The following CSMD1 variants were observed in gnomAD, a reference collection of about 807,000 sequenced individuals.
The protein encoded by CSMD1 is CUB and sushi domain-containing protein 1.
In CSMD1, 213 loss-of-function variants were observed where a neutral mutation model predicts 417.5. The observed-to-expected ratio is 0.51, with a 90% CI of 0.46 to 0.57. The LOEUF is 0.57. Among genes scored for constraint, CSMD1 ranks in the 20% least tolerant of loss-of-function variants. The pLI is 0.00. For missense variants in CSMD1, 6,923 were observed against 4,529.7 expected (o/e 1.53, Z -15.17); for synonymous variants, 2,862 against 1,736.8 (o/e 1.65, Z -16.11).
At chr8:4,723,317 T>C (rs1342960809) in intron 1 of CSMD1, among the ~76,000 whole-genome samples, 2 of 152,176 alleles carry the variant, frequency 1.3e-5, no homozygotes, top group South Asian at 2.1e-4. Context: ...ATAGCCAGGA[T>C]TGATACCCGG....
At chr8:4,415,089 G>A (rs538983673) in intron 3 of CSMD1, among the ~76,000 whole-genome samples, 1 of 152,054 alleles carries the variant, frequency 6.6e-6, no homozygotes, top group East Asian at 1.9e-4. Flanking sequence ...AGGATCTCAC[G>A]GAGTAAGTTT....
At chr8:4,854,142 G>A (rs556760295) in intron 1 of CSMD1, among the ~76,000 whole-genome samples, 25 of 152,266 alleles carry the variant, frequency 1.6e-4, no homozygotes, top group Non-Finnish European at 3.4e-4. Context: ...TTAAGATTTT[G>A]GGGGCTATTG....
At chr8:4,686,541 C>T (rs183379994) in intron 1 of CSMD1, among the ~76,000 whole-genome samples, 66 of 152,322 alleles carry the variant, frequency 4.3e-4, no homozygotes, top group Admixed American at 7.2e-4. Context: ...AGCAAACAGC[C>T]CCTGCTACAT....
At chr8:4,177,500 C>G (rs180960326) in intron 3 of CSMD1, among the ~76,000 whole-genome samples, 7 of 152,064 alleles carry the variant, frequency 4.6e-5, no homozygotes, top group Non-Finnish European at 1.0e-4. Context: ...AATTGACACC[C>G]GAACATCACA....
rs146817268 is a variant in CSMD1, at chr8:4,674,324, T to G, written c.86-36766A>C. 3.0e-3 allele frequency among the ~76,000 whole-genome samples: 462 copies of G among 151,646 alleles called. 3 individuals carry two copies. The highest frequency in any genetic ancestry group is 0.011 in the African/African-American group (442 of 41,336). On this transcript the variant is annotated intron_variant, in intron 1 of 69. Coordinates refer to ENST00000635120, the MANE Select transcript of CSMD1 (RefSeq NM_033225.6). Reference sequence around the variant, plus strand: ...GGACCTGGATTGAGGCTGAAAAAAATGCTAAGGAAGGTAAACGCAAGTGGA... The same window carrying G: ...GGACCTGGATTGAGGCTGAAAAAAAGGCTAAGGAAGGTAAACGCAAGTGGA...
In CSMD1 at chr8:3,018,457, C is replaced by G. The variant is rs368265924; in HGVS notation, c.8029+20G>C. 3.1e-6 allele frequency: 5 copies of G among 1,610,250 alleles called. No homozygotes were observed. The highest frequency in any genetic ancestry group is 4.2e-6 in the Non-Finnish European group (5 of 1,177,418). On this transcript the variant is annotated intron_variant, in intron 52 of 69. Coordinates refer to ENST00000635120, the MANE Select transcript of CSMD1 (RefSeq NM_033225.6). ...AGGTTTATCTGCATTAAGTAAGTGC[C>G]AGAACACAGATGAATTTACCCAGAC... is the stretch of plus-strand genomic sequence containing the variant.
chr8:4,768,439 G>A (rs1796429571), intron 1 of CSMD1, among the ~76,000 whole-genome samples: 1 of 152,130 alleles, frequency 6.6e-6, no homozygotes, highest in South Asian at 2.1e-4. Context: ...TAAACGTCAG[G>A]GAAACAAAAA....
At chr8:3,758,543 C>A (rs768849159) in intron 5 of CSMD1, among the ~76,000 whole-genome samples, 1 of 152,180 alleles carries the variant, frequency 6.6e-6, no homozygotes, top group Non-Finnish European at 1.5e-5. Flanking sequence ...TCATCTGACA[C>A]AAAGTTGATG....
chr8:4,541,945 T>G (rs979059122), intron 2 of CSMD1, among the ~76,000 whole-genome samples: 2 of 152,110 alleles, frequency 1.3e-5, no homozygotes. Flanking sequence ...TGGCAGGCGA[T>G]GAATTTCCAG....
At chr8:4,471,358 A>T (rs1304442598) in intron 2 of CSMD1, among the ~76,000 whole-genome samples, 1 of 152,204 alleles carries the variant, frequency 6.6e-6, no homozygotes. Context: ...TTTCTAGAAG[A>T]CATTGGGTTA....
intron 10 of CSMD1, among the ~76,000 whole-genome samples, chr8:3,523,782 C>G (rs1277632442): frequency 1.4e-5 from 2 of 145,058 alleles, no homozygotes; most frequent in African/African-American, 5.7e-5. Context: ...CATGCACACC[C>G]AGAGACATAT....
chr8:4,067,729 A>C (rs926473082), intron 3 of CSMD1, among the ~76,000 whole-genome samples: 2 of 152,202 alleles, frequency 1.3e-5, no homozygotes, highest in Non-Finnish European at 2.9e-5. Flanking sequence ...AATTTGATAA[A>C]GGAACGTGTT....
At chr8:4,573,283 T>C (rs747734695) in intron 2 of CSMD1, among the ~76,000 whole-genome samples, 2 of 152,206 alleles carry the variant, frequency 1.3e-5, no homozygotes, top group Non-Finnish European at 2.9e-5. Flanking sequence ...TTTATGCTGA[T>C]GACCTTTGGA....
chr8:3,238,083 A>G (rs1799267601), intron 26 of CSMD1, among the ~76,000 whole-genome samples: 2 of 151,976 alleles, frequency 1.3e-5, no homozygotes, highest in Admixed American at 1.3e-4. Flanking sequence ...GCTGAGTCCG[A>G]AAAGAGAGTC....
rs943939178 is a variant in CSMD1, at chr8:4,771,921, C to T, written c.86-134363G>A. 2.0e-5 allele frequency among the ~76,000 whole-genome samples: 3 copies of T among 152,358 alleles called. No individual in the cohort carries two copies. The East Asian group carries it at 5.8e-4, about 29-fold the overall frequency. On this transcript the variant is annotated intron_variant, in intron 1 of 69. Transcript: ENST00000635120. ...TCCAGAATCTGCCCCTCGGCTGCTA[C>T]TCTAGCCCATCCCGGGGATCTCGTG...
At chr8:3,332,217 G>C (rs1035497585) in intron 23 of CSMD1, among the ~76,000 whole-genome samples, 1 of 152,196 alleles carries the variant, frequency 6.6e-6, no homozygotes, top group African/African-American at 2.4e-5. Context: ...TGAAAACAAT[G>C]ACTTTTCCTT....
intron 3 of CSMD1, among the ~76,000 whole-genome samples, chr8:4,037,557 T>G (rs754010573): frequency 6.6e-6 from 1 of 152,188 alleles, no homozygotes; most frequent in Non-Finnish European, 1.5e-5. Context: ...ACATAGCCTT[T>G]GCAAGGTGCC....
intron 4 of CSMD1, among the ~76,000 whole-genome samples, chr8:4,008,600 C>CTTTTTT (rs1161117794): frequency 1.6e-3 from 130 of 80,434 alleles, no homozygotes; most frequent in Middle Eastern, 0.012. Context: ...TTCTTTTTTT[C>CTTTTTT]TTTTTTTTTT....
intron 10 of CSMD1, among the ~76,000 whole-genome samples, chr8:3,550,428 C>A (rs955167692): frequency 2.0e-5 from 3 of 152,196 alleles, no homozygotes; most frequent in Non-Finnish European, 4.4e-5. Context: ...GCAGACAGCC[C>A]TCAATATAAT....
Sources: gnomAD v4.1 joint callset for allele counts (sites outside exome capture counted in the v4.1 genomes callset) on GRCh38, gnomAD v4.1.1 for gene constraint, MANE v1.5 for transcripts, NCBI Gene and HGNC (gene_info 2026-07-23, HGNC 2026-07-21) for gene names.